EYS: variants seen among roughly 807,000 people sequenced by gnomAD.
The protein encoded by EYS is EGF-like photoreceptor maintenance factor.
In EYS, 250 loss-of-function variants were observed where a neutral mutation model predicts 282.1. The ratio of observed to expected loss-of-function variants is 0.89; its 90% CI spans 0.80 to 0.98. The LOEUF is 0.98. Among genes scored for constraint, EYS ranks in the 50% least tolerant of loss-of-function variants. The probability of loss-of-function intolerance (pLI) is 0.00; values close to 1 mark genes in which losing one functional copy is unlikely to be tolerated. For synonymous variants in EYS, 1,355 were observed against 1,282.9 expected (o/e 1.06, Z -1.20); for missense variants, 4,016 against 3,709.0 (o/e 1.08, Z -2.15).
intron 2 of EYS, among the ~76,000 whole-genome samples, chr6:65,542,838 A>T (rs1768220916): frequency 6.6e-6 from 1 of 152,160 alleles, no homozygotes; most frequent in Non-Finnish European, 1.5e-5. Context: ...TGCATATTTT[A>T]AGCATTCAAA....
chr6:64,901,041 C>T (rs990543117), intron 18 of EYS, among the ~76,000 whole-genome samples: 2 of 75,532 alleles, frequency 2.6e-5, no homozygotes, highest in Non-Finnish European at 4.7e-5. Context: ...CACATATACA[C>T]CATGAAATAC....
intron 22 of EYS, among the ~76,000 whole-genome samples, chr6:64,626,573 C>T (rs10944639): frequency 0.11 from 16,350 of 152,080 alleles, 1,055 homozygotes; most frequent in East Asian, 0.16. Context: ...GACAGAGACC[C>T]ACAGGGGAGA....
At chr6:65,625,241 C>T (rs1269892356) in intron 2 of EYS, among the ~76,000 whole-genome samples, 1 of 152,140 alleles carries the variant, frequency 6.6e-6, no homozygotes, top group African/African-American at 2.4e-5. Context: ...CTTATATTCC[C>T]CGAAAAGCCA....
intron 19 of EYS, among the ~76,000 whole-genome samples, chr6:64,868,542 C>T (rs1222359119): frequency 4.6e-5 from 7 of 151,328 alleles, no homozygotes; most frequent in Non-Finnish European, 7.4e-5. Flanking sequence ...GACTATTACG[C>T]AAAACATTTA....
chr6:63,825,599 C>T (rs780743225), intron 36 of EYS, among the ~76,000 whole-genome samples: 1 of 152,142 alleles, frequency 6.6e-6, no homozygotes, highest in Non-Finnish European at 1.5e-5. Flanking sequence ...AGTATCAGTC[C>T]AGAGTTAGGT....
chr6:64,765,849 C>T (rs1389565672), intron 22 of EYS, among the ~76,000 whole-genome samples: 1 of 152,096 alleles, frequency 6.6e-6, no homozygotes, highest in African/African-American at 2.4e-5. Flanking sequence ...ACTAAGGATA[C>T]AACTTGAGAT....
At chr6:63,996,858 ATTTTTAC>A (rs1767860203) in intron 34 of EYS, among the ~76,000 whole-genome samples, 1 of 152,138 alleles carries the variant, frequency 6.6e-6, no homozygotes, top group Admixed American at 6.6e-5. Context: ...TTAAGAATAA[ATTTTTAC>A]TTTTTACTTT....
At chr6:64,460,314 TAAC>T (rs1395785125) in intron 26 of EYS, among the ~76,000 whole-genome samples, 4 of 152,208 alleles carry the variant, frequency 2.6e-5, no homozygotes, top group African/African-American at 9.7e-5. Context: ...ATTAAGGACT[TAAC>T]AAGATCTAAA....
At position 64,485,141 on chromosome 6, in the gene EYS, T is replaced by C. The variant is rs192585114; in HGVS notation, c.5645-45789A>G. Among the ~76,000 whole-genome samples, 1,012 of 151,770 alleles carry C rather than the reference T, an allele frequency of 6.7e-3. 8 individuals are homozygous for C. Among genetic ancestry groups the C allele is most frequent in the Non-Finnish European group, 7.5e-3 (508 of 67,752 alleles). Reference sequence around the variant, plus strand: ...GACCAAGGAAAGAAAGTGCTGCCTCTACTGTGTTAGAAATAAGGGTCCAGC... The same window carrying C: ...GACCAAGGAAAGAAAGTGCTGCCTCCACTGTGTTAGAAATAAGGGTCCAGC... On this transcript the variant is annotated intron_variant, in intron 26 of 42. Coordinates refer to ENST00000503581, the MANE Select transcript of EYS (RefSeq NM_001142800.2).
chr6:64,834,657 G>T (rs913894916), intron 19 of EYS, among the ~76,000 whole-genome samples: 4 of 151,748 alleles, frequency 2.6e-5, no homozygotes, highest in African/African-American at 9.7e-5. Flanking sequence ...AAAGGCAATG[G>T]CTTATAAGCT....
intron 5 of EYS, among the ~76,000 whole-genome samples, chr6:65,456,398 C>T (rs887565361): frequency 1.3e-5 from 2 of 150,976 alleles, no homozygotes; most frequent in Admixed American, 6.6e-5. Flanking sequence ...TGCAGTGAGT[C>T]GAGATCACAC....
chr6:63,748,448 CT>C (rs1354836626), intron 41 of EYS, among the ~76,000 whole-genome samples: 1 of 152,040 alleles, frequency 6.6e-6, no homozygotes, highest in African/African-American at 2.4e-5. Flanking sequence ...TTAAAGTTTT[CT>C]TTTTTGTTGT....
intron 12 of EYS, among the ~76,000 whole-genome samples, chr6:65,222,617 A>G (rs1341756841): frequency 2.0e-5 from 3 of 152,232 alleles, no homozygotes; most frequent in African/African-American, 7.2e-5. Context: ...CATTTAACCA[A>G]AGTAAAACAG....
intron 19 of EYS, among the ~76,000 whole-genome samples, chr6:64,829,906 C>A (rs777742225): frequency 5.9e-5 from 9 of 151,736 alleles, no homozygotes; most frequent in Non-Finnish European, 1.0e-4. Flanking sequence ...GGGGAGGGAC[C>A]CTTGCGCTAG....
intron 19 of EYS, among the ~76,000 whole-genome samples, chr6:64,868,340 T>G (rs538376951): frequency 3.0e-4 from 46 of 151,552 alleles, no homozygotes; most frequent in Non-Finnish European, 5.9e-4. Context: ...TTCTAACTTA[T>G]TAAAACATAA....
At chr6:65,058,889 A>C (rs1369367341) in intron 12 of EYS, among the ~76,000 whole-genome samples, 1 of 152,160 alleles carries the variant, frequency 6.6e-6, no homozygotes, top group South Asian at 2.1e-4. Context: ...GCAAATTATT[A>C]GCAAATTATT....
chr6:64,096,112 G>A (rs932403152), intron 31 of EYS, among the ~76,000 whole-genome samples: 6 of 152,174 alleles, frequency 3.9e-5, no homozygotes, highest in East Asian at 1.9e-4. Context: ...AGTTTCTGCC[G>A]AGAGATCAGC....
intron 26 of EYS, among the ~76,000 whole-genome samples, chr6:64,488,793 T>C (rs1776648911): frequency 6.6e-6 from 1 of 151,008 alleles, no homozygotes; most frequent in African/African-American, 2.4e-5. Context: ...TGGAAAAGTA[T>C]ATAGGCTTTG....
chr6:64,400,503 C>G (rs928466555), intron 28 of EYS: 1 of 152,028 alleles, frequency 6.6e-6, no homozygotes, highest in Non-Finnish European at 1.5e-5. Context: ...AATATTTCAT[C>G]TAGCAGGTTG....
Sources: allele counts gnomAD v4.1 joint callset (sites outside exome capture counted in the v4.1 genomes callset), GRCh38; gene constraint gnomAD v4.1.1; transcripts MANE v1.5; gene names NCBI Gene and HGNC (gene_info 2026-07-23, HGNC 2026-07-21).